Variants in LCLAT1 observed in about 807,000 individuals in gnomAD.
LCLAT1 encodes the protein lysocardiolipin acyltransferase 1, also known as 1-AGP acyltransferase 8.
In LCLAT1, 11 loss-of-function variants were observed where a neutral mutation model predicts 30.7. That is an observed-to-expected ratio of 0.36 (90% CI 0.23 to 0.59). The LOEUF (loss-of-function observed/expected upper bound fraction) is 0.59, where lower values mean the gene tolerates loss of function less well. Among genes scored for constraint, LCLAT1 ranks in the 20% least tolerant of loss-of-function variants. The pLI, the probability that LCLAT1 is intolerant of heterozygous loss-of-function variation, is 0.77. For missense variants in LCLAT1, 402 were observed against 458.6 expected (o/e 0.88, Z 1.13); for synonymous variants, 155 against 151.3 (o/e 1.02, Z -0.18).
At chr2:30,602,750 G>GTTTAAA (rs1667247232) in intron 5 of LCLAT1, among the ~76,000 whole-genome samples, 1 of 152,102 alleles carries the variant, frequency 6.6e-6, no homozygotes, top group East Asian at 1.9e-4. Context: ...TAAAGTTTAA[G>GTTTAAA]CATCATGACC....
chr2:30,526,096 G>A (rs1685705870), intron 2 of LCLAT1, among the ~76,000 whole-genome samples: 1 of 152,100 alleles, frequency 6.6e-6, no homozygotes, highest in Non-Finnish European at 1.5e-5. Flanking sequence ...GGATGTGGAG[G>A]GCTGCATGTA....
chr2:30,532,889 G>A (rs1032841840), intron 2 of LCLAT1, among the ~76,000 whole-genome samples: 44 of 152,020 alleles, frequency 2.9e-4, no homozygotes, highest in African/African-American at 1.0e-3. Context: ...AGGACAATCA[G>A]CATTTTTTAA....
chr2:30,502,902 G>A (rs1328104172), intron 1 of LCLAT1, among the ~76,000 whole-genome samples: 1 of 152,196 alleles, frequency 6.6e-6, no homozygotes, highest in Non-Finnish European at 1.5e-5. Context: ...ATTTAAGGGT[G>A]AGCCAGTGAC....
intron 1 of LCLAT1, among the ~76,000 whole-genome samples, chr2:30,461,247 T>C (rs2148273020): frequency 6.6e-6 from 1 of 152,266 alleles, no homozygotes; most frequent in East Asian, 1.9e-4. Context: ...TTGAGTTGAA[T>C]TGTAGGACAC....
At chr2:30,569,025 C>T (rs941773838) in intron 5 of LCLAT1, among the ~76,000 whole-genome samples, 3 of 152,026 alleles carry the variant, frequency 2.0e-5, no homozygotes, top group Admixed American at 2.0e-4. Flanking sequence ...TCACTCAGTC[C>T]ACCAAGTAAC....
chr2:30,473,494 A>G (rs1297150965), intron 1 of LCLAT1, among the ~76,000 whole-genome samples: 1 of 152,124 alleles, frequency 6.6e-6, no homozygotes, highest in African/African-American at 2.4e-5. Flanking sequence ...ATGTTTTTTC[A>G]TCCCTTTATT....
intron 3 of LCLAT1, among the ~76,000 whole-genome samples, chr2:30,552,984 T>C (rs1664749693): frequency 6.6e-6 from 1 of 152,230 alleles, no homozygotes; most frequent in Non-Finnish European, 1.5e-5. Context: ...TCTTCCGCCC[T>C]GCTTTTTCTT....
At chr2:30,529,617 A>G (rs564201592) in intron 2 of LCLAT1, among the ~76,000 whole-genome samples, 2 of 152,234 alleles carry the variant, frequency 1.3e-5, no homozygotes, top group African/African-American at 4.8e-5. Context: ...CTGTCCTTTC[A>G]CCATAAATCA....
At chr2:30,478,250 G>T (rs1683144187) in intron 1 of LCLAT1, among the ~76,000 whole-genome samples, 1 of 152,068 alleles carries the variant, frequency 6.6e-6, no homozygotes, top group Non-Finnish European at 1.5e-5. Context: ...CTATTTTCAG[G>T]TACATTTTTG....
intron 1 of LCLAT1, among the ~76,000 whole-genome samples, chr2:30,475,521 TACA>T (rs1325532847): frequency 6.6e-6 from 1 of 152,224 alleles, no homozygotes; most frequent in Non-Finnish European, 1.5e-5. Flanking sequence ...TACTGACCTA[TACA>T]ACAACATTTG....
intron 1 of LCLAT1, among the ~76,000 whole-genome samples, chr2:30,482,599 A>G (rs1248889357): frequency 6.6e-6 from 1 of 152,164 alleles, no homozygotes; most frequent in Non-Finnish European, 1.5e-5. Flanking sequence ...TCTTTTGAAT[A>G]TGCTGTGTAG....
chr2:30,531,673 C>A (rs1249846680), intron 2 of LCLAT1, among the ~76,000 whole-genome samples: 1 of 152,160 alleles, frequency 6.6e-6, no homozygotes, highest in East Asian at 1.9e-4. Flanking sequence ...AGGATGTTAA[C>A]ACTTTGACTC....
At chr2:30,569,327 A>G (rs910209752) in intron 5 of LCLAT1, among the ~76,000 whole-genome samples, 1 of 152,268 alleles carries the variant, frequency 6.6e-6, no homozygotes, top group African/African-American at 2.4e-5. Context: ...TTGCAAGTTT[A>G]TATATTTATA....
chr2:30,454,597 C>T (rs1681729653), intron 1 of LCLAT1, among the ~76,000 whole-genome samples: 1 of 151,722 alleles, frequency 6.6e-6, no homozygotes, highest in African/African-American at 2.4e-5. Flanking sequence ...GTACTACAGG[C>T]ATGTGCCACC....
intron 2 of LCLAT1, among the ~76,000 whole-genome samples, chr2:30,527,546 C>T (rs372420697): frequency 1.4e-4 from 22 of 152,224 alleles, no homozygotes; most frequent in South Asian, 8.3e-4. Context: ...TTTTGGAGAG[C>T]GAGCATAAGC....
intron 5 of LCLAT1, among the ~76,000 whole-genome samples, chr2:30,608,938 A>G (rs1667600096): frequency 6.6e-6 from 1 of 152,034 alleles, no homozygotes. Context: ...GCAATGCACA[A>G]GGGTGCCTGT....
At chr2:30,584,991 A>G (rs1281328511) in intron 5 of LCLAT1, among the ~76,000 whole-genome samples, 4 of 151,002 alleles carry the variant, frequency 2.6e-5, no homozygotes, top group South Asian at 2.1e-4. Context: ...CCTAAAGGAC[A>G]TGAGTAGAGG....
chr2:30,594,467 T>C (rs962815053), intron 5 of LCLAT1, among the ~76,000 whole-genome samples: 1 of 152,234 alleles, frequency 6.6e-6, no homozygotes, highest in African/African-American at 2.4e-5. Flanking sequence ...TAGAGGTCTT[T>C]TATGAATTCC....
intron 5 of LCLAT1, among the ~76,000 whole-genome samples, chr2:30,613,075 G>A (rs911435851): frequency 2.0e-5 from 3 of 152,144 alleles, no homozygotes; most frequent in East Asian, 1.9e-4. Flanking sequence ...GAACAATAAC[G>A]TGCCTGAGAT....
Sources: gnomAD v4.1 joint callset for allele counts (sites outside exome capture counted in the v4.1 genomes callset) on GRCh38, gnomAD v4.1.1 for gene constraint, MANE v1.5 for transcripts, NCBI Gene and HGNC (gene_info 2026-07-23, HGNC 2026-07-21) for gene names.